RTL4: variants seen among roughly 807,000 people sequenced by gnomAD.
RTL4 encodes the protein retrotransposon Gag like 4, also known as retrotransposon Gag-like protein 4.
A neutral mutation model predicts 5.3 loss-of-function variants in RTL4; 4 were observed. That is an observed-to-expected ratio of 0.75 (90% confidence interval 0.37 to 1.72). The LOEUF is 1.72. Ranked by LOEUF, RTL4 falls within the 40% of genes most tolerant of loss-of-function variation. The pLI, the probability that RTL4 is intolerant of heterozygous loss-of-function variation, is 0.04. For missense variants in RTL4, 260 were observed against 227.1 expected, an observed-to-expected ratio of 1.14 and a Z score of -0.93; for synonymous variants, 98 against 87.3, an observed-to-expected ratio of 1.12 and a Z score of -0.68.
At chrX:112,427,345 T>C in the RTL4 span, among the ~76,000 whole-genome samples, 1 of 111,002 alleles carries the variant, frequency 9.0e-6, no homozygotes, top group Non-Finnish European at 1.9e-5. Flanking sequence ...AAACATCACA[T>C]GATCATATCA....
At chrX:112,435,942 C>T in the RTL4 span, among the ~76,000 whole-genome samples, 4 of 111,923 alleles carry the variant, frequency 3.6e-5, no homozygotes, top group Non-Finnish European at 7.5e-5. Flanking sequence ...CTAGGCCCAG[C>T]GCGGTAGCTC....
At chrX:112,206,352 A>T in the RTL4 span, among the ~76,000 whole-genome samples, 1 of 111,509 alleles carries the variant, frequency 9.0e-6, no homozygotes, top group Non-Finnish European at 1.9e-5. Flanking sequence ...GAAAGACTGT[A>T]ATTCATTGCC....
chrX:112,176,312 T>C, the RTL4 span, among the ~76,000 whole-genome samples: 7 of 112,184 alleles, frequency 6.2e-5, no homozygotes, highest in East Asian at 2.0e-3. Context: ...AGGTAATTTA[T>C]AGATTCAATT....
the RTL4 span, among the ~76,000 whole-genome samples, chrX:112,232,491 CTTGAG>C: frequency 8.9e-6 from 1 of 112,044 alleles, no homozygotes; most frequent in Admixed American, 9.4e-5. Flanking sequence ...TAGAGCACAG[CTTGAG>C]TTTATTTGAC....
the RTL4 span, among the ~76,000 whole-genome samples, chrX:112,259,449 C>T: frequency 1.8e-5 from 2 of 110,662 alleles, no homozygotes; most frequent in African/African-American, 6.5e-5. Context: ...TCGTTGCTAG[C>T]TCCTGGAGAT....
At chrX:112,201,840 C>A in the RTL4 span, among the ~76,000 whole-genome samples, 1,745 of 111,725 alleles carry the variant, frequency 0.016, 37 homozygotes, top group African/African-American at 0.053. Context: ...CCCAAGTACA[C>A]TACCTAGTTT....
the RTL4 span, among the ~76,000 whole-genome samples, chrX:112,229,951 C>T: frequency 6.2e-5 from 7 of 112,467 alleles, no homozygotes; most frequent in African/African-American, 9.7e-5. Context: ...TGCGGGGTGC[C>T]TCCCAGTTAG....
the RTL4 span, among the ~76,000 whole-genome samples, chrX:112,258,371 A>C: frequency 1.8e-5 from 2 of 110,753 alleles, no homozygotes; most frequent in Non-Finnish European, 3.8e-5. Context: ...TAATAGGGGA[A>C]CACGTGCATG....
chrX:112,164,378 G>C, the RTL4 span, among the ~76,000 whole-genome samples: 1 of 112,320 alleles, frequency 8.9e-6, no homozygotes, highest in Non-Finnish European at 1.9e-5. Context: ...GAAGTTCCCA[G>C]TGGCTGCAGA....
the RTL4 span, among the ~76,000 whole-genome samples, chrX:112,353,531 T>C: frequency 1.8e-5 from 2 of 110,847 alleles, no homozygotes; most frequent in Non-Finnish European, 3.8e-5. Flanking sequence ...ATGTCCATTG[T>C]AGGGACATGG....
the RTL4 span, among the ~76,000 whole-genome samples, chrX:112,240,186 G>A: frequency 6.3e-5 from 7 of 111,772 alleles, no homozygotes; most frequent in East Asian, 2.8e-4. Flanking sequence ...AAAGCTCCCT[G>A]GCCAGGTACA....
chrX:112,286,270 C>T, the RTL4 span, among the ~76,000 whole-genome samples: 4 of 111,858 alleles, frequency 3.6e-5, 1 homozygote, highest in Admixed American at 3.8e-4. Context: ...TGAGGAAAAG[C>T]ATAATGACTG....
chrX:112,145,682 A>G, the RTL4 span, among the ~76,000 whole-genome samples: 1 of 111,729 alleles, frequency 9.0e-6, no homozygotes, highest in Non-Finnish European at 1.9e-5. Context: ...AGTTGTGATA[A>G]GTGCTATGAC....
chrX:112,364,570 G>T, the RTL4 span, among the ~76,000 whole-genome samples: 1 of 111,043 alleles, frequency 9.0e-6, no homozygotes, highest in Non-Finnish European at 1.9e-5. Flanking sequence ...GTGAGGGGTG[G>T]TGATGGTCAT....
chrX:112,229,083 C>T, the RTL4 span, among the ~76,000 whole-genome samples: 1 of 111,802 alleles, frequency 8.9e-6, no homozygotes, highest in Admixed American at 9.5e-5. Context: ...ATCATTAATC[C>T]TCATTCATCC....
chrX:112,152,598 A>G, the RTL4 span, among the ~76,000 whole-genome samples: 1 of 111,671 alleles, frequency 9.0e-6, no homozygotes, highest in Non-Finnish European at 1.9e-5. Flanking sequence ...TTTAGGAAGG[A>G]AACTATTGTT....
chrX:112,417,524 A>G, the RTL4 span, among the ~76,000 whole-genome samples: 1 of 111,879 alleles, frequency 8.9e-6, no homozygotes, highest in East Asian at 2.8e-4. Context: ...TTCAGTTGCT[A>G]TCACCCAAAA....
At chrX:112,129,417 T>C in the RTL4 span, among the ~76,000 whole-genome samples, 1 of 112,367 alleles carries the variant, frequency 8.9e-6, no homozygotes, top group Non-Finnish European at 1.9e-5. Context: ...AGCAACATTA[T>C]GCATAACATC....
At chrX:112,282,504 G>T in the RTL4 span, among the ~76,000 whole-genome samples, 8 of 111,690 alleles carry the variant, frequency 7.2e-5, no homozygotes, top group Non-Finnish European at 1.3e-4. Flanking sequence ...TGAATTTTAG[G>T]ATTGTGTTTT....
Sources: gnomAD v4.1 joint callset for allele counts (sites outside exome capture counted in the v4.1 genomes callset) on GRCh38, gnomAD v4.1.1 for gene constraint, MANE v1.5 for transcripts, NCBI Gene and HGNC (gene_info 2026-07-23, HGNC 2026-07-21) for gene names.